The following SMARCC2 variants were observed in gnomAD, a reference collection of about 807,000 sequenced individuals.
SMARCC2 encodes SWI/SNF complex subunit SMARCC2.
A neutral mutation model predicts 151.3 loss-of-function variants in SMARCC2; 15 were observed. The observed-to-expected ratio is 0.10, with a 90% CI of 0.07 to 0.15. SMARCC2 has a LOEUF of 0.15. SMARCC2 is among the 10% of genes least tolerant of loss of function. SMARCC2 has a pLI of 1.00. For synonymous variants in SMARCC2, 590 were observed against 609.5 expected, an observed-to-expected ratio of 0.97 and a Z score of 0.47; for missense variants, 1,031 against 1,599.7, an observed-to-expected ratio of 0.64 and a Z score of 6.06.
chr12:56,164,601 A>G lies in SMARCC2; in HGVS notation c.3363T>C (p.Pro1121=). The G allele has an allele frequency of 6.2e-7, 1 of 1,613,852 alleles. No individual in the cohort carries two copies. The highest frequency in any genetic ancestry group is 8.5e-7 in the Non-Finnish European group (1 of 1,179,902). ...ATGGGATGATGGATGGAGCAGGAGG[A>G]GGAGGAGGAGGCGGCATGCCAAAAG... is the stretch of plus-strand genomic sequence containing the variant. ...GLPFGMPPPP[P]PPAPSIIPFG... Residue 1121 remains proline (P), a synonymous_variant, in exon 28 of 29, where the codon CCT becomes CCC. Transcript: ENST00000550164.
chr12:56,164,262 C>A (rs756480414), intron 28 of SMARCC2, 41 bp downstream of exon 28: 1 of 1,587,746 alleles, frequency 6.3e-7, no homozygotes, highest in Non-Finnish European at 8.6e-7. Flanking sequence ...TCCAGGTGGA[C>A]CCCTCTCCCT....
rs1458631327 is a variant in SMARCC2 at position 56,162,399 on chromosome 12, A to C, written c.*1290T>G. The C allele has an allele frequency of 3.1e-6, 2 of 642,390 alleles. No homozygotes were observed. The highest frequency in any genetic ancestry group is 2.8e-5 in the Admixed American group (1 of 35,438). 39.8% of individuals were successfully genotyped at this position (642,390 alleles called of 1,614,324 possible). ...ATTAATTTATAAAAAAAAAAAAAAG[A>C]AAGAAAGAAAAAAAGAGAAAATTTA... is the stretch of plus-strand genomic sequence containing the variant. On this transcript the variant is annotated 3_prime_UTR_variant, in exon 29 of 29. Transcript: ENST00000550164.
In SMARCC2 at chr12:56,169,896, C is replaced by T. The variant is rs1448947378; in HGVS notation, c.2428G>A (p.Gly810Arg). 6.2e-7 allele frequency: 1 copy of T among 1,613,936 alleles called. No homozygotes were observed. The highest frequency in any genetic ancestry group is 8.5e-7 in the Non-Finnish European group (1 of 1,179,974). Residue 810 changes from glycine (G) to arginine (R), a missense_variant, in exon 24 of 29, where the codon GGG becomes AGG. Physicochemically the swap from Gly to Arg is moderately radical, Grantham distance 125. This residue lies in a region of SMARCC2 where 119 missense variants were observed against 184.2 expected (regional missense o/e 0.65). Coordinates refer to ENST00000550164, the MANE Select transcript of SMARCC2 (RefSeq NM_001330288.2). ...TTTGCTTCCTCCTCTATAGCACCCCCTCCTTCTCGGGGTTCCTGAAATTCC... is the reference window on the plus strand; with the variant it reads ...TTTGCTTCCTCCTCTATAGCACCCCTTCCTTCTCGGGGTTCCTGAAATTCC... ...KKEPKEPREG[G>R]GAIEEEAKEK...
intron 6 of SMARCC2, 105 bp from the exon 7 acceptor site, chr12:56,184,035 C>A: frequency 9.4e-7 from 1 of 1,059,272 alleles, no homozygotes; most frequent in South Asian, 1.3e-5. Flanking sequence ...TAGCAGGGGA[C>A]TTGGTAATAG....
chr12:56,187,305 T>C lies in SMARCC2; in HGVS notation c.113A>G (p.Tyr38Cys), dbSNP rs770153334. The change falls in exon 2 of 29, where the codon TAT becomes TGT. Residue 38 changes from tyrosine to cysteine, a missense_variant and splice_region_variant. Tyr to Cys is a radical substitution (Grantham distance 194). This residue lies in a region of SMARCC2 where 50 missense variants were observed against 52.4 expected (regional missense o/e 0.95). Transcript: ENST00000550164. Reference protein sequence around the residue: ...RLWLGKNYKKYIQAEPPTNKS... With the variant: ...RLWLGKNYKKCIQAEPPTNKS... ...GTTGGTGGGTGGTTCAGCTTGTATATACTAAGGAAAAAGAGGGAAAGGAAA... is the reference window on the plus strand; with the variant it reads ...GTTGGTGGGTGGTTCAGCTTGTATACACTAAGGAAAAAGAGGGAAAGGAAA... The C allele has an allele frequency of 3.4e-5, 54 of 1,610,316 alleles. No homozygotes were observed. Among genetic ancestry groups the C allele is most frequent in the Non-Finnish European group, 8.5e-7 (1 of 1,177,700 alleles).
chr12:56,189,244 G>C (rs1877904747), intron 1 of SMARCC2, 107 bp downstream of exon 1: 1 of 510,382 alleles, frequency 2.0e-6, no homozygotes, highest in African/African-American at 2.0e-5. Context: ...GGAGGCCGCG[G>C]GGGAGGGGCT....
chr12:56,182,440 T>C (rs1012780109), intron 7 of SMARCC2, among the ~76,000 whole-genome samples: 3 of 151,832 alleles, frequency 2.0e-5, no homozygotes, highest in Non-Finnish European at 2.9e-5. Context: ...TTCTCCTGCC[T>C]CAGCCTCCCG....
intron 15 of SMARCC2, 120 bp from the exon 16 acceptor site, chr12:56,174,884 GATT>G: frequency 3.0e-6 from 2 of 673,320 alleles, no homozygotes; most frequent in Non-Finnish European, 5.3e-6. Context: ...GAAAAAAGTA[GATT>G]ATTTGACTCT....
chr12:56,164,544 G>A lies in SMARCC2; in HGVS notation c.3420C>T (p.Asn1140=). Residue 1140 remains asparagine, a synonymous_variant, in exon 28 of 29, where the codon AAC becomes AAT. Transcript: ENST00000550164. ...CATGCAGGTTAGGAGGAGCGGGGAG[G>A]TTAATACTGATGGAGTCAGCTAGAC... ...FGSLADSISI[N]LPAPPNLHGH... is the part of the protein sequence containing the mutation. 1 of 1,614,208 alleles carries A rather than the reference G, an allele frequency of 6.2e-7. No homozygotes were observed. The highest frequency in any genetic ancestry group is 8.5e-7 in the Non-Finnish European group (1 of 1,180,040).
chr12:56,183,918 C>A lies in SMARCC2; in HGVS notation c.575G>T (p.Arg192Leu). The change falls in exon 7 of 29, where the codon CGA (arginine) becomes CTA (leucine). Residue 192 changes from arginine (R) to leucine (L), a missense_variant. Physicochemically the swap from Arg to Leu is moderately radical, Grantham distance 102. Around this residue, in one of 12 missense-constraint regions of SMARCC2, gnomAD observed 123 missense variants for 190.4 expected, o/e 0.65. Coordinates refer to ENST00000550164, the MANE Select transcript of SMARCC2 (RefSeq NM_001330288.2). ...PGNLEEEEWV[R>L]PVMKRDKQVL... ...CTGCTTATCCCTCTTCATGACTGGT[C>A]GTACCCATTCCTCTGGGGATAGAGG... 2 of 1,612,290 alleles carry A rather than the reference C, an allele frequency of 1.2e-6. No homozygotes were observed. Among genetic ancestry groups the A allele is most frequent in the South Asian group, 2.2e-5 (2 of 90,926 alleles).
chr12:56,174,237 G>C (rs1396112841), intron 16 of SMARCC2, among the ~76,000 whole-genome samples: 1 of 152,122 alleles, frequency 6.6e-6, no homozygotes, highest in Non-Finnish European at 1.5e-5. Context: ...AGCCTCCTGA[G>C]TCACTAAGAC....
At position 56,172,756 on chromosome 12, in the gene SMARCC2, G is replaced by C. The variant is rs1874196940; in HGVS notation, c.1744-52C>G. ...GAGTACAAGTGACCACCGGGAGCCA[G>C]GGGCTGACAGAGAGAAAAAACAGAC... On this transcript the variant is annotated intron_variant, in intron 18 of 28. Transcript: ENST00000550164. The C allele has an allele frequency of 2.5e-6, 4 of 1,608,420 alleles. No individual in the cohort carries two copies. In the South Asian group the frequency reaches 3.3e-5, roughly 13 times the overall value.
intron 3 of SMARCC2, chr12:56,185,712 A>T (rs1005653267): frequency 5.9e-6 from 1 of 169,686 alleles, no homozygotes; most frequent in African/African-American, 2.4e-5. Flanking sequence ...TCCTGACCTC[A>T]AATGATCCAC....
chr12:56,182,119 T>C (rs1876337088), intron 7 of SMARCC2, 40 bp from the exon 8 acceptor site: 6 of 1,431,828 alleles, frequency 4.2e-6, no homozygotes, highest in Non-Finnish European at 5.9e-6. Flanking sequence ...ATCAATGGGA[T>C]AGAATTGTGG....
intron 16 of SMARCC2, among the ~76,000 whole-genome samples, chr12:56,174,191 C>T (rs893090592): frequency 2.0e-5 from 3 of 152,192 alleles, no homozygotes; most frequent in Admixed American, 6.5e-5. Flanking sequence ...CTCACTGCAG[C>T]CTCCACCTCC....
chr12:56,165,012 T>G (rs895346332), intron 27 of SMARCC2, among the ~76,000 whole-genome samples: 27 of 152,312 alleles, frequency 1.8e-4, no homozygotes, highest in African/African-American at 5.5e-4. Flanking sequence ...GGTCTCAATC[T>G]CCTGACCTCG....
intron 7 of SMARCC2, among the ~76,000 whole-genome samples, chr12:56,182,995 A>G (rs144505799): frequency 0.057 from 8,465 of 149,408 alleles, 808 homozygotes; most frequent in African/African-American, 0.2. Context: ...CACCATGCCC[A>G]GCTAATTTCT....
At position 56,165,335 on chromosome 12, in the gene SMARCC2, G is replaced by A. The variant is rs145766006; in HGVS notation, c.3215C>T (p.Pro1072Leu). 3.3e-6 allele frequency: 5 copies of A among 1,494,992 alleles called. No homozygotes were observed. Among genetic ancestry groups the A allele is most frequent in the Non-Finnish European group, 4.4e-6 (5 of 1,125,530 alleles). The allele number at this position is 1,494,992 out of a possible 1,614,324, so 92.6% of individuals were successfully genotyped here. Residue 1072 changes from proline to leucine, a missense_variant, in exon 27 of 29, where the codon CCC (proline) becomes CTC (leucine). By Grantham distance (98) the Pro-to-Leu change is moderately conservative (BLOSUM62 -3). This residue lies in a region of SMARCC2 where 310 missense variants were observed against 350.0 expected (regional missense o/e 0.89). Coordinates refer to ENST00000550164, the MANE Select transcript of SMARCC2 (RefSeq NM_001330288.2). ...ACACTTACCATGGGGTCCAGGGGGG[G>A]GAACCCCTGGTGGGACTGCCCCAGG... ...PQPGAVPPGV[P>L]PPGPHGPSPF...
chr12:56,180,917 G>C, intron 11 of SMARCC2, 60 bp downstream of exon 11: 2 of 1,553,494 alleles, frequency 1.3e-6, no homozygotes, highest in Non-Finnish European at 1.7e-6. Context: ...TTGGGGTTTG[G>C]CAAAGGAGAG....
Sources: allele counts gnomAD v4.1 joint callset (sites outside exome capture counted in the v4.1 genomes callset), GRCh38; gene constraint gnomAD v4.1.1; regional missense constraint gnomAD v4.1.1; transcripts MANE v1.5; gene names NCBI Gene and HGNC (gene_info 2026-07-23, HGNC 2026-07-21).